Variants in DOCK3 observed in about 807,000 individuals in gnomAD.
DOCK3 encodes dedicator of cytokinesis protein 3.
In DOCK3, 60 loss-of-function variants were observed where a neutral mutation model predicts 265.6. The observed-to-expected ratio is 0.23, with a 90% confidence interval of 0.18 to 0.28. DOCK3 has a LOEUF of 0.28. DOCK3 is among the 10% of genes least tolerant of loss of function. DOCK3 has a pLI of 1.00. For synonymous variants in DOCK3, 881 were observed against 938.0 expected (o/e 0.94, Z 1.11); for missense variants, 1,981 against 2,594.3 (o/e 0.76, Z 5.14).
At chr3:51,197,165 C>T (rs147781651) in intron 12 of DOCK3, among the ~76,000 whole-genome samples, 43 of 152,238 alleles carry the variant, frequency 2.8e-4, no homozygotes, top group African/African-American at 9.2e-4. Context: ...GGATAGGTTA[C>T]GGTACAGTTG....
chr3:50,877,236 G>T, intron 3 of DOCK3: 1 of 329,874 alleles, frequency 3.0e-6, no homozygotes, highest in Non-Finnish European at 6.0e-6. Context: ...TGATCTTACG[G>T]AGCCTTCTTA....
intron 41 of DOCK3, among the ~76,000 whole-genome samples, 189 bp downstream of exon 41, chr3:51,355,212 GC>G (rs2086282680): frequency 6.6e-6 from 1 of 152,220 alleles, no homozygotes; most frequent in African/African-American, 2.4e-5. Context: ...GGAAGCAGTG[GC>G]ACGCCCTTAG....
intron 2 of DOCK3, among the ~76,000 whole-genome samples, chr3:50,816,284 T>G (rs2044070379): frequency 6.6e-6 from 1 of 151,714 alleles, no homozygotes; most frequent in Non-Finnish European, 1.5e-5. Flanking sequence ...GTTTTTAGGA[T>G]TATTTTCTCC....
At chr3:50,719,555 G>A (rs532980765) in intron 1 of DOCK3, 4 of 1,311,740 alleles carry the variant, frequency 3.0e-6, no homozygotes, top group Admixed American at 3.4e-5. Flanking sequence ...GCACTCCATG[G>A]CCTGCATAAT....
At chr3:50,737,679 T>C (rs1476328379) in intron 1 of DOCK3, among the ~76,000 whole-genome samples, 6 of 152,256 alleles carry the variant, frequency 3.9e-5, no homozygotes, top group Non-Finnish European at 8.8e-5. Context: ...ACTGATTCTT[T>C]GTTCTGCTGA....
intron 1 of DOCK3, among the ~76,000 whole-genome samples, chr3:50,682,480 C>T (rs1393074818): frequency 6.6e-6 from 1 of 152,146 alleles, no homozygotes; most frequent in Non-Finnish European, 1.5e-5. Flanking sequence ...TAAATCCTTT[C>T]CTAGATTCTT....
chr3:51,074,150 A>G (rs1034070162), intron 6 of DOCK3, among the ~76,000 whole-genome samples: 1 of 152,230 alleles, frequency 6.6e-6, no homozygotes, highest in African/African-American at 2.4e-5. Flanking sequence ...ACAAGAATTC[A>G]TAACCCTTGT....
intron 12 of DOCK3, among the ~76,000 whole-genome samples, chr3:51,204,087 T>G (rs2108057144): frequency 6.8e-6 from 1 of 146,720 alleles, no homozygotes; most frequent in East Asian, 2.0e-4. Flanking sequence ...GGCATTACCA[T>G]TCAGGACATA....
chr3:51,313,592 C>G (rs1442323995), intron 31 of DOCK3, among the ~76,000 whole-genome samples: 1 of 152,138 alleles, frequency 6.6e-6, no homozygotes, highest in Non-Finnish European at 1.5e-5. Flanking sequence ...AGTGGCCTGT[C>G]AAGATGCTGG....
rs1184488129 is a variant in DOCK3, at chr3:50,823,004, AT to A, written c.122-18668del. Among the ~76,000 whole-genome samples the A allele has an allele frequency of 5.3e-5, 8 of 152,202 alleles. No homozygotes were observed. In the East Asian group the frequency reaches 1.5e-3, roughly 29 times the overall value. ...ATTTGTGTTTGAATATTGTCACAGA[AT>A]TTGAAATCAGAATACTTAGTATACA... On this transcript the variant is annotated intron_variant, in intron 2 of 52. Transcript: ENST00000266037.
chr3:51,083,373 A>G (rs927653063), intron 7 of DOCK3, among the ~76,000 whole-genome samples: 1 of 152,232 alleles, frequency 6.6e-6, no homozygotes, highest in African/African-American at 2.4e-5. Context: ...CAATGTAAGG[A>G]CACAAGAAAC....
chr3:51,102,868 T>C (rs1263795685), intron 9 of DOCK3, among the ~76,000 whole-genome samples: 5 of 152,210 alleles, frequency 3.3e-5, no homozygotes, highest in East Asian at 1.9e-4. Flanking sequence ...AAACTTCTAA[T>C]GGCATCTAGA....
chr3:50,986,170 A>T lies in DOCK3; in HGVS notation c.315+52093A>T, dbSNP rs954608013. ...GTGCCCAGATCCTCCCTTAGGACCC[A>T]AGAATACAAGATAAATGACCTATGA... is the stretch of plus-strand genomic sequence containing the variant. On this transcript the variant is annotated intron_variant, in intron 5 of 52. Transcript: ENST00000266037. Among the ~76,000 whole-genome samples the T allele has an allele frequency of 2.0e-5, 3 of 152,188 alleles. No homozygotes were observed. The East Asian group carries it at 5.8e-4, about 29-fold the overall frequency.
At chr3:51,293,952 G>C (rs1295407957) in intron 27 of DOCK3, among the ~76,000 whole-genome samples, 1 of 152,198 alleles carries the variant, frequency 6.6e-6, no homozygotes, top group Non-Finnish European at 1.5e-5. Context: ...AAAGATAACT[G>C]TTGGTGAGGA....
At chr3:51,305,716 CTGTGTGTGTGTGTGTGCGCGTGTGTG>C (rs2082622654) in intron 27 of DOCK3, among the ~76,000 whole-genome samples, 1 of 66,950 alleles carries the variant, frequency 1.5e-5, no homozygotes, top group Non-Finnish European at 2.8e-5. Flanking sequence ...GTGTGTGTGT[CTGTGTGTGTGTGTGTGCGCGTGTGTG>C]TGTGTGTGTG....
chr3:51,016,503 A>ATG (rs1491166427), intron 5 of DOCK3, among the ~76,000 whole-genome samples: 8 of 91,216 alleles, frequency 8.8e-5, no homozygotes, highest in South Asian at 3.1e-4. Context: ...ATTTCTACAT[A>ATG]ATATATATAT....
At chr3:50,968,231 G>A (rs1439981168) in intron 5 of DOCK3, among the ~76,000 whole-genome samples, 2 of 150,200 alleles carry the variant, frequency 1.3e-5, no homozygotes, top group African/African-American at 4.9e-5. Context: ...CAGTGGCACA[G>A]TAATAGCTCA....
chr3:50,698,187 C>G (rs1217834854), intron 1 of DOCK3, among the ~76,000 whole-genome samples: 2 of 152,040 alleles, frequency 1.3e-5, no homozygotes, highest in African/African-American at 4.8e-5. Context: ...CTCATTCTCT[C>G]TCCCCCACCC....
intron 5 of DOCK3, among the ~76,000 whole-genome samples, chr3:51,032,120 G>A (rs1482837847): frequency 4.8e-4 from 1 of 2,104 alleles, no homozygotes; most frequent in Non-Finnish European, 1.0e-3. Context: ...CTCCCTCCTC[G>A]TGTGTGTGTG....
Sources: allele counts gnomAD v4.1 joint callset (sites outside exome capture counted in the v4.1 genomes callset), GRCh38; gene constraint gnomAD v4.1.1; transcripts MANE v1.5; gene names NCBI Gene and HGNC (gene_info 2026-07-23, HGNC 2026-07-21).